The following PCDH18 variants were observed in gnomAD, a reference collection of about 807,000 sequenced individuals.
PCDH18 encodes protocadherin 18.
Under a neutral mutation model 71.5 loss-of-function variants are expected in PCDH18, and 38 were observed. The observed-to-expected ratio is 0.53, with a 90% CI of 0.41 to 0.70. The LOEUF is 0.70. Among genes scored for constraint, PCDH18 ranks in the 30% least tolerant of loss-of-function variants. The probability of loss-of-function intolerance (pLI) is 0.00; values close to 1 mark genes in which losing one functional copy is unlikely to be tolerated. For missense variants in PCDH18, 1,334 were observed against 1,384.6 expected, an observed-to-expected ratio of 0.96 and a Z score of 0.58; for synonymous variants, 565 against 505.4, an observed-to-expected ratio of 1.12 and a Z score of -1.58.
rs1731223320 is a variant in PCDH18 at position 137,519,361 on chromosome 4, A to G, written c.*1668T>C. 1 of 152,182 alleles carries G rather than the reference A, an allele frequency of 6.6e-6. No individual in the cohort carries two copies. The highest frequency in any genetic ancestry group is 2.1e-4 in the South Asian group (1 of 4,826). 9.4% of individuals were successfully genotyped at this position (152,182 alleles called of 1,614,324 possible). ...GGAAACATTGTAAGGATACCTTTTT[A>G]TCCTGCACAATTTAATACAAAATGT... On this transcript the variant is annotated 3_prime_UTR_variant, in exon 4 of 4. Coordinates refer to ENST00000344876, the MANE Select transcript of PCDH18 (RefSeq NM_019035.5).
chr4:137,521,558 T>C lies in PCDH18; in HGVS notation c.2879A>G (p.Gln960Arg). The change falls in exon 4 of 4, where the codon CAG becomes CGG. Residue 960 changes from glutamine (Q) to arginine (R), a missense_variant. Transcript: ENST00000344876. The stretch of plus-strand genomic sequence containing the variant: ...CTCAAGACTCTGATGTGGATGCTGC[T>C]GCTGGGGTTGCGTTGGGAATTCTTC... ...PGEEFPTQPQQQHPHQSLEDD... is the reference protein window; with the variant it reads ...PGEEFPTQPQRQHPHQSLEDD... 1 of 1,614,124 alleles carries C rather than the reference T, an allele frequency of 6.2e-7. No individual in the cohort carries two copies. Among genetic ancestry groups the C allele is most frequent in the Non-Finnish European group, 8.5e-7 (1 of 1,180,022 alleles).
chr4:137,526,862 G>A (rs1731478287), intron 3 of PCDH18, among the ~76,000 whole-genome samples: 1 of 150,382 alleles, frequency 6.6e-6, no homozygotes, highest in South Asian at 2.1e-4. Flanking sequence ...TAGTGTTTAA[G>A]AGTGCAGGGA....
At chr4:137,523,743 A>C (rs1731368852) in intron 3 of PCDH18, among the ~76,000 whole-genome samples, 1 of 152,206 alleles carries the variant, frequency 6.6e-6, no homozygotes, top group Non-Finnish European at 1.5e-5. Context: ...CAATGCAAAA[A>C]TACAATCTAG....
At chr4:137,529,461 C>G (rs181983348) in intron 1 of PCDH18, 141 bp downstream of exon 1, 45 of 572,768 alleles carry the variant, frequency 7.9e-5, no homozygotes, top group Middle Eastern at 3.0e-4. Context: ...GCTACATATT[C>G]ACAATGTAAC....
rs1327308175 is a variant in PCDH18, at chr4:137,532,362, T to C, written c.-274A>G. The C allele has an allele frequency of 1.9e-5, 13 of 702,182 alleles. No homozygotes were observed. Among genetic ancestry groups the C allele is most frequent in the Non-Finnish European group, 2.6e-5 (10 of 384,926 alleles). 43.5% of individuals were successfully genotyped at this position (702,182 alleles called of 1,614,324 possible). A position where few individuals can be genotyped will look rare whatever the true frequency, so the allele number is the denominator to read the frequency against. On this transcript the variant is annotated 5_prime_UTR_variant, in exon 1 of 4. Transcript: ENST00000344876. ...AGTGTCACCTCCGCGTTTTCTCCCT[T>C]GTGTAGTCGGAATCCATCTATTGCA...
In PCDH18 at chr4:137,530,950, G is replaced by T; in HGVS notation, c.1139C>A (p.Ala380Asp). ...FEGDPIDTFV[A>D]LVRVQDKDSG... Reference sequence around the variant, plus strand: ...ATCCTTGTCCTGAACTCTGACCAAAGCAACAAATGTATCAATAGGATCCCC... The same window carrying T: ...ATCCTTGTCCTGAACTCTGACCAAATCAACAAATGTATCAATAGGATCCCC... The change falls in exon 1 of 4, where the codon GCT becomes GAT. Residue 380 changes from alanine (A) to aspartate (D), a missense_variant. This residue lies in a region of PCDH18 where 1,011 missense variants were observed against 1,048.0 expected (regional missense o/e 0.96). Coordinates refer to ENST00000344876, the MANE Select transcript of PCDH18 (RefSeq NM_019035.5). 6.2e-7 allele frequency: 1 copy of T among 1,613,768 alleles called. No homozygotes were observed. The highest frequency in any genetic ancestry group is 8.5e-7 in the Non-Finnish European group (1 of 1,179,828).
Position 137,530,951 on chromosome 4 carries a change from C to A in PCDH18, c.1138G>T (p.Ala380Ser). 1 of 1,613,850 alleles carries A rather than the reference C, an allele frequency of 6.2e-7. No homozygotes were observed. The highest frequency in any genetic ancestry group is 8.5e-7 in the Non-Finnish European group (1 of 1,179,856). ...FEGDPIDTFV[A>S]LVRVQDKDSG... is the part of the protein sequence containing the mutation. ...TCCTTGTCCTGAACTCTGACCAAAG[C>A]AACAAATGTATCAATAGGATCCCCT... Residue 380 changes from alanine to serine, a missense_variant, in exon 1 of 4, where the codon GCT (alanine) becomes TCT (serine). Coordinates refer to ENST00000344876, the MANE Select transcript of PCDH18 (RefSeq NM_019035.5).
At chr4:137,528,668 T>G in intron 2 of PCDH18, 27 bp from the exon 3 acceptor site, 2 of 1,607,708 alleles carry the variant, frequency 1.2e-6, no homozygotes, top group African/African-American at 1.3e-5. Flanking sequence ...CAAAAAAAAA[T>G]TACAGTTTTT....
rs140548289 is a variant in PCDH18, at chr4:137,521,205, T to A, written c.3232A>T (p.Ser1078Cys). 81 of 1,614,120 alleles carry A rather than the reference T, an allele frequency of 5.0e-5. No individual in the cohort carries two copies. In the African/African-American group the frequency reaches 9.3e-4, roughly 19 times the overall value. ...AGCCATTTTGAAGAAGGCTGCACAC[T>A]GGAGTGAGTTCCAAGTGGCGGCCCA... ...NCGPPLGTHS[S>C]VQPSSKWLPA... Residue 1078 changes from serine (S) to cysteine (C), a missense_variant, in exon 4 of 4, where the codon AGT becomes TGT. By Grantham distance (112) the Ser-to-Cys change is moderately radical (BLOSUM62 -1). Coordinates refer to ENST00000344876, the MANE Select transcript of PCDH18 (RefSeq NM_019035.5).
intron 3 of PCDH18, among the ~76,000 whole-genome samples, chr4:137,522,762 C>G (rs778819324): frequency 6.6e-5 from 10 of 152,062 alleles, no homozygotes; most frequent in Non-Finnish European, 1.3e-4. Context: ...CAAATTATTG[C>G]TAAAAAGGTG....
chr4:137,530,513 C>T lies in PCDH18; in HGVS notation c.1576G>A (p.Ala526Thr). The change falls in exon 1 of 4, where the codon GCC becomes ACC. Residue 526 changes from alanine (A) to threonine (T), a missense_variant. This residue lies in a region of PCDH18 where 1,011 missense variants were observed against 1,048.0 expected (regional missense o/e 0.96). Coordinates refer to ENST00000344876, the MANE Select transcript of PCDH18 (RefSeq NM_019035.5). ...TYVTIDPSNG[A>T]IYALRIFDHE... Reference sequence around the variant, plus strand: ...TCAAAGATTCTGAGGGCATAGATGGCTCCATTAGATGGGTCAATGGTTACA... The same window carrying T: ...TCAAAGATTCTGAGGGCATAGATGGTTCCATTAGATGGGTCAATGGTTACA... 1 of 1,613,774 alleles carries T rather than the reference C, an allele frequency of 6.2e-7. No homozygotes were observed. Among genetic ancestry groups the T allele is most frequent in the Non-Finnish European group, 8.5e-7 (1 of 1,179,808 alleles).
chr4:137,521,182 C>A lies in PCDH18; in HGVS notation c.3255G>T (p.Trp1085Cys), dbSNP rs1247905394. The change falls in exon 4 of 4, where the codon TGG (tryptophan) becomes TGT (cysteine). Residue 1085 changes from tryptophan (W) to cysteine (C), a missense_variant. This residue lies in a region of PCDH18 where 319 missense variants were observed against 316.3 expected (regional missense o/e 1.01). Transcript: ENST00000344876. ...CAGGGATCTCCTCCATGGCTGGCAG[C>A]CATTTTGAAGAAGGCTGCACACTGG... ...THSSVQPSSK[W>C]LPAMEEIPEN... 1 of 1,614,184 alleles carries A rather than the reference C, an allele frequency of 6.2e-7. No individual in the cohort carries two copies. Among genetic ancestry groups the A allele is most frequent in the South Asian group, 1.1e-5 (1 of 91,078 alleles).
chr4:137,528,733 T>G lies in PCDH18; in HGVS notation c.2575A>C (p.Arg859=), dbSNP rs765845492. ...FRGNKYSRSY[R]YALQDMDKFS... ...AGGTAACACAAGAATAATTCATACC[T>G]GTAGCTCCTGGAATATTTGTTTCCT... Residue 859 remains arginine, a splice_region_variant and synonymous_variant, in exon 2 of 4, where the codon AGA becomes CGA. Transcript: ENST00000344876. 3 of 1,611,106 alleles carry G rather than the reference T, an allele frequency of 1.9e-6. No homozygotes were observed. Among genetic ancestry groups the G allele is most frequent in the South Asian group, 2.2e-5 (2 of 91,022 alleles).
At chr4:137,529,099 TCAGA>T (rs1275920729) in intron 1 of PCDH18, 7 of 409,704 alleles carry the variant, frequency 1.7e-5, no homozygotes, top group Non-Finnish European at 2.2e-5. Flanking sequence ...TCTTTATAAT[TCAGA>T]CAAAGTGACC....
chr4:137,530,806 C>G lies in PCDH18; in HGVS notation c.1283G>C (p.Arg428Thr). ...GATTACAGTCAAACTATACTCAGAT[C>G]TCTTTTCTCTATCCAGTGTGGCATT... ...LTNATLDREK[R>T]SEYSLTVIAE... Residue 428 changes from arginine to threonine, a missense_variant, in exon 1 of 4, where the codon AGA becomes ACA. Physicochemically the swap from Arg to Thr is moderately conservative, Grantham distance 71 (BLOSUM62 -1). Transcript: ENST00000344876. 1 of 1,611,922 alleles carries G rather than the reference C, an allele frequency of 6.2e-7. No individual in the cohort carries two copies. Among genetic ancestry groups the G allele is most frequent in the South Asian group, 1.1e-5 (1 of 91,038 alleles).
At chr4:137,528,981 C>T (rs1731564411) in intron 1 of PCDH18, 161 bp from the exon 2 acceptor site, 4 of 612,690 alleles carry the variant, frequency 6.5e-6, no homozygotes, top group South Asian at 6.0e-5. Flanking sequence ...GACCACGCAG[C>T]CAGCTACCAA....
At position 137,530,188 on chromosome 4, in the gene PCDH18, C is replaced by G; in HGVS notation, c.1901G>C (p.Arg634Pro). 6.2e-7 allele frequency: 1 copy of G among 1,613,590 alleles called. No homozygotes were observed. Among genetic ancestry groups the G allele is most frequent in the Non-Finnish European group, 8.5e-7 (1 of 1,179,786 alleles). Residue 634 changes from arginine (R) to proline (P), a missense_variant, in exon 1 of 4, where the codon CGA becomes CCA. By Grantham distance (103) the Arg-to-Pro change is moderately radical (BLOSUM62 -2). Transcript: ENST00000344876. ...NEENIFIIDP[R>P]SCDIHTNVSM... ...AACGTTGGTATGGATGTCACATGAT[C>G]GTGGATCAATTATGAAGATATTCTC...
rs772553142 is a variant in PCDH18, at chr4:137,521,510, G to T, written c.2927C>A (p.Ser976Tyr). ...SLEDDAQPAD[S>Y]GEKKKSFSTF... is the part of the protein sequence containing the mutation. ...GGAAAAACTCTTCTTCTTTTCACCG[G>T]AATCTGCAGGCTGAGCGTCATCCTC... is the stretch of plus-strand genomic sequence containing the variant. The change falls in exon 4 of 4, where the codon TCC (serine) becomes TAC (tyrosine). Residue 976 changes from serine to tyrosine, a missense_variant. Physicochemically the swap from Ser to Tyr is moderately radical, Grantham distance 144. This residue lies in a region of PCDH18 where 319 missense variants were observed against 316.3 expected (regional missense o/e 1.01). Coordinates refer to ENST00000344876, the MANE Select transcript of PCDH18 (RefSeq NM_019035.5). The T allele has an allele frequency of 6.2e-7, 1 of 1,614,160 alleles. No homozygotes were observed. The highest frequency in any genetic ancestry group is 1.7e-5 in the Admixed American group (1 of 60,012).
chr4:137,523,014 C>T (rs1426413300), intron 3 of PCDH18, among the ~76,000 whole-genome samples: 1 of 152,104 alleles, frequency 6.6e-6, no homozygotes, highest in Non-Finnish European at 1.5e-5. Context: ...TGTTCTTAAA[C>T]TGCAAGAGTC....
Sources: allele counts gnomAD v4.1 joint callset (sites outside exome capture counted in the v4.1 genomes callset), GRCh38; gene constraint gnomAD v4.1.1; regional missense constraint gnomAD v4.1.1; transcripts MANE v1.5; gene names NCBI Gene and HGNC (gene_info 2026-07-23, HGNC 2026-07-21).